ANGPT1: variants seen among roughly 807,000 people sequenced by gnomAD.
ANGPT1 encodes angiopoietin 1.
ANGPT1 carries 17 observed loss-of-function variants against 62.2 expected under a neutral mutation model. That is an observed-to-expected ratio of 0.27 (90% confidence interval 0.19 to 0.41). The LOEUF is 0.41. ANGPT1 is among the 10% of genes least tolerant of loss of function. The pLI, the probability that ANGPT1 is intolerant of heterozygous loss-of-function variation, is 1.00. For missense variants in ANGPT1, 478 were observed against 594.9 expected, an observed-to-expected ratio of 0.80 and a Z score of 2.04; for synonymous variants, 199 against 198.9, an observed-to-expected ratio of 1.00 and a Z score of 0.00.
At chr8:107,291,559 G>A (rs762920146) in intron 6 of ANGPT1, among the ~76,000 whole-genome samples, 37 of 151,698 alleles carry the variant, frequency 2.4e-4, no homozygotes, top group East Asian at 2.0e-4. Context: ...TTACAGGCAC[G>A]TGCCACCACA....
intron 2 of ANGPT1, 78 bp downstream of exon 2, chr8:107,346,864 C>A: frequency 7.6e-7 from 1 of 1,312,094 alleles, no homozygotes; most frequent in Non-Finnish European, 1.0e-6. Context: ...CTGAAATGTG[C>A]TCTGTGTTTA....
intron 1 of ANGPT1, among the ~76,000 whole-genome samples, chr8:107,451,797 C>T (rs910524118): frequency 1.3e-5 from 2 of 151,938 alleles, no homozygotes; most frequent in Admixed American, 6.6e-5. Flanking sequence ...ATCAGGGAAA[C>T]TGTGTTTCTC....
At chr8:107,470,111 C>T (rs1477540669) in intron 1 of ANGPT1, among the ~76,000 whole-genome samples, 1 of 151,976 alleles carries the variant, frequency 6.6e-6, no homozygotes, top group African/African-American at 2.4e-5. Flanking sequence ...AAATGCTTTA[C>T]AGATCTGATG....
At chr8:107,267,245 CA>C (rs1419346351) in intron 7 of ANGPT1, among the ~76,000 whole-genome samples, 6 of 152,024 alleles carry the variant, frequency 3.9e-5, no homozygotes, top group Non-Finnish European at 8.8e-5. Context: ...TTTTCAAATA[CA>C]AATTTGTGAC....
At position 107,441,191 on chromosome 8, in the gene ANGPT1, C is replaced by T. The variant is rs75483785; in HGVS notation, c.297+56071G>A. ...CACAGCTTATAATTAAGTAAGTCAA[C>T]CGACAGAAAATTGATTACCTTCCAA... On this transcript the variant is annotated intron_variant, in intron 1 of 8. Transcript: ENST00000517746. 4.8e-3 allele frequency among the ~76,000 whole-genome samples: 733 copies of T among 152,232 alleles called. 6 individuals are homozygous for T. The highest frequency in any genetic ancestry group is 0.017 in the African/African-American group (698 of 41,532).
chr8:107,490,078 CTG>C (rs1211070647), intron 1 of ANGPT1, among the ~76,000 whole-genome samples: 1 of 152,208 alleles, frequency 6.6e-6, no homozygotes, highest in Admixed American at 6.5e-5. Flanking sequence ...TGATAAAACT[CTG>C]TGTTTTGTAG....
chr8:107,358,776 T>C (rs1233741092), intron 1 of ANGPT1, among the ~76,000 whole-genome samples: 1 of 152,176 alleles, frequency 6.6e-6, no homozygotes, highest in Non-Finnish European at 1.5e-5. Flanking sequence ...GGCTAATTTA[T>C]TGGAAAGTCT....
intron 1 of ANGPT1, among the ~76,000 whole-genome samples, chr8:107,491,789 A>G (rs981883303): frequency 6.6e-6 from 1 of 152,212 alleles, no homozygotes; most frequent in East Asian, 1.9e-4. Context: ...GAGAAGTTGT[A>G]GGAGGATTTT....
intron 1 of ANGPT1, among the ~76,000 whole-genome samples, chr8:107,406,390 A>C (rs954894067): frequency 2.6e-5 from 4 of 152,046 alleles, no homozygotes; most frequent in African/African-American, 9.7e-5. Context: ...ATAGGCATTA[A>C]AAATAAGTAT....
At chr8:107,359,547 A>G (rs1394969439) in intron 1 of ANGPT1, among the ~76,000 whole-genome samples, 1 of 152,190 alleles carries the variant, frequency 6.6e-6, no homozygotes, top group African/African-American at 2.4e-5. Flanking sequence ...CATTACCACA[A>G]TTATAAAGAC....
intron 1 of ANGPT1, among the ~76,000 whole-genome samples, chr8:107,350,421 T>TATTACTAGGTGTAATA (rs1315252590): frequency 6.6e-6 from 1 of 152,142 alleles, no homozygotes; most frequent in Non-Finnish European, 1.5e-5. Flanking sequence ...AACAATCATG[T>TATTACTAGGTGTAATA]ACCCTAGTCT....
intron 1 of ANGPT1, among the ~76,000 whole-genome samples, chr8:107,375,230 A>G (rs1816506395): frequency 6.6e-6 from 1 of 152,216 alleles, no homozygotes; most frequent in African/African-American, 2.4e-5. Flanking sequence ...AAAATTTAGC[A>G]TAAATAAGAA....
chr8:107,437,626 T>A (rs1811366000), intron 1 of ANGPT1, among the ~76,000 whole-genome samples: 1 of 152,208 alleles, frequency 6.6e-6, no homozygotes, highest in Non-Finnish European at 1.5e-5. Flanking sequence ...TTTTGCTGCT[T>A]TTGTTGAGGA....
chr8:107,300,120 A>G (rs1048498146), intron 5 of ANGPT1, among the ~76,000 whole-genome samples: 3 of 144,772 alleles, frequency 2.1e-5, no homozygotes, highest in East Asian at 2.0e-4. Flanking sequence ...TATATATAGT[A>G]TATATATAGT....
chr8:107,378,722 C>T (rs1816577564), intron 1 of ANGPT1, among the ~76,000 whole-genome samples: 1 of 152,086 alleles, frequency 6.6e-6, no homozygotes, highest in Admixed American at 6.6e-5. Context: ...GCTCTTCCCC[C>T]TTCCCTTGGC....
chr8:107,367,081 C>T (rs1198033270), intron 1 of ANGPT1, among the ~76,000 whole-genome samples: 1 of 152,104 alleles, frequency 6.6e-6, no homozygotes, highest in African/African-American at 2.4e-5. Context: ...TCCCCAGATC[C>T]CGAAATCTCA....
chr8:107,305,733 T>C (rs1456112324), intron 4 of ANGPT1, among the ~76,000 whole-genome samples: 3 of 152,082 alleles, frequency 2.0e-5, no homozygotes, highest in Non-Finnish European at 4.4e-5. Flanking sequence ...TGAAATTTAA[T>C]TTGGTATGTT....
rs753257346 is a variant in ANGPT1 at position 107,251,834 on chromosome 8, A to G, written c.*21T>C. On this transcript the variant is annotated 3_prime_UTR_variant, in exon 9 of 9. Coordinates refer to ENST00000517746, the MANE Select transcript of ANGPT1 (RefSeq NM_001146.5). ...TCCGGATTTCTTTGTTGCTTTCATA[A>G]TCGCTTCTGACATTGCGCTTTCAAA... The G allele has an allele frequency of 3.7e-6, 6 of 1,612,466 alleles. No individual in the cohort carries two copies. In the South Asian group the frequency reaches 6.6e-5, roughly 18 times the overall value.
chr8:107,306,673 G>A (rs1814725443), intron 4 of ANGPT1, among the ~76,000 whole-genome samples: 1 of 151,978 alleles, frequency 6.6e-6, no homozygotes, highest in Non-Finnish European at 1.5e-5. Context: ...AAGATTTTTA[G>A]GAGGTCTTGA....
Sources: allele counts gnomAD v4.1 joint callset (sites outside exome capture counted in the v4.1 genomes callset), GRCh38; gene constraint gnomAD v4.1.1; transcripts MANE v1.5; gene names NCBI Gene and HGNC (gene_info 2026-07-23, HGNC 2026-07-21).